The following AGPAT5 variants were observed in gnomAD, a reference collection of about 807,000 sequenced individuals.
The protein encoded by AGPAT5 is 1-acylglycerol-3-phosphate O-acyltransferase 5.
Under a neutral mutation model 45.6 loss-of-function variants are expected in AGPAT5, and 46 were observed. The ratio of observed to expected loss-of-function variants is 1.01; its 90% confidence interval spans 0.80 to 1.29. AGPAT5 has a LOEUF of 1.29. Among genes scored for constraint, AGPAT5 ranks in the 50% most tolerant of loss-of-function variants. AGPAT5 has a pLI of 0.00. For missense variants in AGPAT5, 673 were observed against 450.7 expected, an observed-to-expected ratio of 1.49 and a Z score of -4.47; for synonymous variants, 272 against 167.0, an observed-to-expected ratio of 1.63 and a Z score of -4.85.
intron 3 of AGPAT5, among the ~76,000 whole-genome samples, chr8:6,731,830 G>A (rs917619152): frequency 6.6e-6 from 1 of 152,076 alleles, no homozygotes; most frequent in Non-Finnish European, 1.5e-5. Context: ...TGTTGACAGG[G>A]TTAGTTTCTC....
At chr8:6,747,109 A>G (rs1307597297) in intron 5 of AGPAT5, among the ~76,000 whole-genome samples, 2 of 152,238 alleles carry the variant, frequency 1.3e-5, no homozygotes, top group Non-Finnish European at 2.9e-5. Flanking sequence ...TAGCCAAAGT[A>G]TGGATGCAAC....
intron 4 of AGPAT5, among the ~76,000 whole-genome samples, chr8:6,733,409 T>G (rs914846207): frequency 6.6e-6 from 1 of 152,338 alleles, no homozygotes; most frequent in East Asian, 1.9e-4. Context: ...GAAGGAAGAA[T>G]TCTTCACGGT....
intron 5 of AGPAT5, among the ~76,000 whole-genome samples, chr8:6,742,612 G>T (rs1474001648): frequency 2.0e-5 from 3 of 152,176 alleles, no homozygotes; most frequent in South Asian, 4.1e-4. Flanking sequence ...CAGTGTGCTG[G>T]CTCCTACCAA....
At chr8:6,737,392 A>G (rs1340657837) in intron 4 of AGPAT5, among the ~76,000 whole-genome samples, 1 of 152,228 alleles carries the variant, frequency 6.6e-6, no homozygotes, top group African/African-American at 2.4e-5. Context: ...TCATGAATCT[A>G]TTCCATGATT....
At chr8:6,753,480 G>A (rs1801723888) in intron 6 of AGPAT5, among the ~76,000 whole-genome samples, 1 of 152,196 alleles carries the variant, frequency 6.6e-6, no homozygotes, top group African/African-American at 2.4e-5. Flanking sequence ...GAAGTAATTT[G>A]TGGCTAAAAC....
chr8:6,736,371 C>T (rs114078681), intron 4 of AGPAT5, among the ~76,000 whole-genome samples: 1 of 152,068 alleles, frequency 6.6e-6, no homozygotes, highest in African/African-American at 2.4e-5. Flanking sequence ...TATTGTTTTT[C>T]ATTATATGAA....
At position 6,732,635 on chromosome 8, in the gene AGPAT5, G is replaced by T. The variant is rs768422781; in HGVS notation, c.480G>T (p.Val160=). ...TGCGAAACAAGTTGCAGAGCTACGT[G>T]GACGCAGGAACTCCAGTAAGAGCCT... is the stretch of plus-strand genomic sequence containing the variant. The part of the protein sequence containing the change: ...KEMRNKLQSY[V]DAGTPMYLVI... Residue 160 remains valine, a synonymous_variant, in exon 4 of 8, where the codon GTG becomes GTT. Transcript: ENST00000285518. 4 of 1,609,182 alleles carry T rather than the reference G, an allele frequency of 2.5e-6. No homozygotes were observed. The highest frequency in any genetic ancestry group is 3.4e-6 in the Non-Finnish European group (4 of 1,178,624).
At position 6,756,764 on chromosome 8, in the gene AGPAT5, G is replaced by C. The variant is rs2980694; in HGVS notation, c.870-399G>C. Among the ~76,000 whole-genome samples, 1,191 of 152,294 alleles carry C rather than the reference G, an allele frequency of 7.8e-3. 13 individuals carry two copies. Among genetic ancestry groups the C allele is most frequent in the African/African-American group, 0.027 (1,102 of 41,562 alleles). ...CCCCTGTCGATACAGAGGGACCGCTGTCTAAGAACCGCTGGTCCTATCTTT... is the reference window on the plus strand; with the variant it reads ...CCCCTGTCGATACAGAGGGACCGCTCTCTAAGAACCGCTGGTCCTATCTTT... On this transcript the variant is annotated intron_variant, in intron 7 of 7. Transcript: ENST00000285518.
Position 6,722,184 on chromosome 8 carries a change from A to G in AGPAT5, c.220-2686A>G, listed in dbSNP as rs555737100. On this transcript the variant is annotated intron_variant, in intron 1 of 7. Transcript: ENST00000285518. ...TGGTCTCCTAATAAGGGACAGGGAA[A>G]CACCTTTACAGATGGAAATTCATAT... Among the ~76,000 whole-genome samples, 78 of 152,278 alleles carry G rather than the reference A, an allele frequency of 5.1e-4. 1 individual carries two copies. The highest frequency in any genetic ancestry group is 1.8e-3 in the African/African-American group (74 of 41,552).
chr8:6,761,334 T>C lies in AGPAT5; in HGVS notation c.*3946T>C, dbSNP rs570912693. Reference sequence around the variant, plus strand: ...TTCTGCAATTTTATAAATGTTCATGTCTTTTTTTAAAAAAGGTGCTATTGA... The same window carrying C: ...TTCTGCAATTTTATAAATGTTCATGCCTTTTTTTAAAAAAGGTGCTATTGA... On this transcript the variant is annotated 3_prime_UTR_variant, in exon 8 of 8. Coordinates refer to ENST00000285518, the MANE Select transcript of AGPAT5 (RefSeq NM_018361.5). 6.6e-6 allele frequency among the ~76,000 whole-genome samples: 1 copy of C among 150,656 alleles called. No individual in the cohort carries two copies. The highest frequency in any genetic ancestry group is 2.1e-4 in the South Asian group (1 of 4,824).
At position 6,754,903 on chromosome 8, in the gene AGPAT5, T is replaced by C. The variant is rs564382822; in HGVS notation, c.746-148T>C. On this transcript the variant is annotated intron_variant, in intron 6 of 7. Coordinates refer to ENST00000285518, the MANE Select transcript of AGPAT5 (RefSeq NM_018361.5). Reference sequence around the variant, plus strand: ...ACCACCAGTTTATAATCCTTTTTTTTTAACTTTTGTTTATTTTTCCTAAGG... The same window carrying C: ...ACCACCAGTTTATAATCCTTTTTTTCTAACTTTTGTTTATTTTTCCTAAGG... 14 of 618,610 alleles carry C rather than the reference T, an allele frequency of 2.3e-5. No individual in the cohort carries two copies. In the South Asian group the frequency reaches 4.0e-4, roughly 18 times the overall value. The allele number at this position is 618,610 out of a possible 1,614,324, so 38.3% of individuals were successfully genotyped here.
intron 1 of AGPAT5, among the ~76,000 whole-genome samples, chr8:6,723,667 C>T (rs1040605308): frequency 5.9e-5 from 9 of 152,156 alleles, no homozygotes; most frequent in Admixed American, 3.3e-4. Context: ...TTTATGTCAT[C>T]GATAAACTTT....
chr8:6,730,532 G>A (rs1364712650), intron 2 of AGPAT5, among the ~76,000 whole-genome samples, 179 bp from the exon 3 acceptor site: 1 of 19,564 alleles, frequency 5.1e-5, no homozygotes, highest in Non-Finnish European at 7.8e-5. Context: ...GGGTTTCACC[G>A]TGTTAGCCAG....
chr8:6,708,799 C>T lies in AGPAT5; in HGVS notation c.131C>T (p.Ala44Val), dbSNP rs1363292218. Reference protein sequence around the residue: ...VWRLLSAFLPARFYQALDDRL... With the variant: ...VWRLLSAFLPVRFYQALDDRL... Reference sequence around the variant, plus strand: ...CGGCTGCTCTCCGCCTTCCTGCCCGCCCGCTTCTACCAAGCGCTGGACGAC... The same window carrying T: ...CGGCTGCTCTCCGCCTTCCTGCCCGTCCGCTTCTACCAAGCGCTGGACGAC... Residue 44 changes from alanine to valine, a missense_variant, in exon 1 of 8, where the codon GCC becomes GTC. Ala to Val is a moderately conservative substitution (Grantham distance 64). Coordinates refer to ENST00000285518, the MANE Select transcript of AGPAT5 (RefSeq NM_018361.5). The T allele has an allele frequency of 2.5e-6, 4 of 1,610,856 alleles. No individual in the cohort carries two copies. The highest frequency in any genetic ancestry group is 3.4e-6 in the Non-Finnish European group (4 of 1,179,706).
chr8:6,715,578 C>T (rs1290914475), intron 1 of AGPAT5, among the ~76,000 whole-genome samples: 1 of 152,138 alleles, frequency 6.6e-6, no homozygotes, highest in Non-Finnish European at 1.5e-5. Context: ...AGGGAACACC[C>T]ATGGTTCACA....
Position 6,757,112 on chromosome 8 carries a change from A to G in AGPAT5, c.870-51A>G, listed in dbSNP as rs985598414. 2.8e-6 allele frequency: 4 copies of G among 1,405,504 alleles called. No individual in the cohort carries two copies. The African/African-American group carries it at 4.3e-5, about 15-fold the overall frequency. The allele number at this position is 1,405,504 out of a possible 1,614,324, so 87.1% of individuals were successfully genotyped here. A position where few individuals can be genotyped will look rare whatever the true frequency, so the allele number is the denominator to read the frequency against. ...TAGCTACCTGATTGATATTTTTTGA[A>G]TTGAAATACTGAAGTGACTAAAATC... On this transcript the variant is annotated intron_variant, in intron 7 of 7. Coordinates refer to ENST00000285518, the MANE Select transcript of AGPAT5 (RefSeq NM_018361.5).
At chr8:6,709,584 T>G (rs1227027761) in intron 1 of AGPAT5, 3 of 152,156 alleles carry the variant, frequency 2.0e-5, no homozygotes, top group African/African-American at 7.2e-5. Context: ...AAAGGTGAAT[T>G]TTTCTTTTAT....
chr8:6,717,233 C>T (rs1186517762), intron 1 of AGPAT5, among the ~76,000 whole-genome samples: 1 of 152,194 alleles, frequency 6.6e-6, no homozygotes, highest in African/African-American at 2.4e-5. Flanking sequence ...TCTCTGTAGG[C>T]ACCAGAAATC....
intron 6 of AGPAT5, among the ~76,000 whole-genome samples, chr8:6,750,707 A>T (rs897680782): frequency 1.5e-5 from 2 of 135,164 alleles, no homozygotes; most frequent in East Asian, 4.4e-4. Flanking sequence ...AGTGCAAATG[A>T]AAACTACAGG....
Sources: gnomAD v4.1 joint callset for allele counts (sites outside exome capture counted in the v4.1 genomes callset) on GRCh38, gnomAD v4.1.1 for gene constraint, MANE v1.5 for transcripts, NCBI Gene and HGNC (gene_info 2026-07-23, HGNC 2026-07-21) for gene names.